COX7B2: variants seen among roughly 807,000 people sequenced by gnomAD.
COX7B2 encodes cytochrome c oxidase subunit 7B2.
For missense variants in COX7B2, 109 were observed against 95.9 expected, an observed-to-expected ratio of 1.14 and a Z score of -0.57; for synonymous variants, 37 against 32.1, an observed-to-expected ratio of 1.15 and a Z score of -0.51.
At chr4:46,803,728 CT>C (rs1273008115) in intron 2 of COX7B2, among the ~76,000 whole-genome samples, 81 of 124,858 alleles carry the variant, frequency 6.5e-4, no homozygotes, top group Non-Finnish European at 6.0e-4. Context: ...GCCTGGTTTA[CT>C]TTCTTTTTTT....
At chr4:46,824,236 T>C (rs971236078) in intron 2 of COX7B2, among the ~76,000 whole-genome samples, 9 of 152,140 alleles carry the variant, frequency 5.9e-5, no homozygotes, top group Admixed American at 5.9e-4. Flanking sequence ...ATTCTACAGC[T>C]GTACAAAGAA....
At chr4:46,848,376 T>C (rs555180996) in intron 1 of COX7B2, among the ~76,000 whole-genome samples, 1 of 152,124 alleles carries the variant, frequency 6.6e-6, no homozygotes, top group South Asian at 2.1e-4. Flanking sequence ...GCATTTATTA[T>C]GCGAAAGGCC....
At chr4:46,830,918 G>A (rs548935463) in intron 2 of COX7B2, among the ~76,000 whole-genome samples, 60 of 152,334 alleles carry the variant, frequency 3.9e-4, no homozygotes, top group South Asian at 3.9e-3. Context: ...GCGCCTCCTA[G>A]GCGTCGGCGC....
intron 2 of COX7B2, among the ~76,000 whole-genome samples, chr4:46,797,735 A>G (rs749790622): frequency 3.3e-5 from 5 of 152,226 alleles, no homozygotes; most frequent in African/African-American, 7.2e-5. Context: ...ATGGATCTTG[A>G]AGAATGACTG....
At chr4:46,743,079 A>G (rs1022209805) in intron 2 of COX7B2, among the ~76,000 whole-genome samples, 1 of 152,152 alleles carries the variant, frequency 6.6e-6, no homozygotes, top group Non-Finnish European at 1.5e-5. Context: ...ACAGTGGCAT[A>G]CAGGTTGAAG....
At chr4:46,762,242 AT>A (rs1716203385) in intron 2 of COX7B2, among the ~76,000 whole-genome samples, 2 of 142,456 alleles carry the variant, frequency 1.4e-5, no homozygotes, top group South Asian at 4.2e-4. Flanking sequence ...TATTAAATAT[AT>A]TATATATTTA....
At chr4:46,751,066 C>T (rs574149409) in intron 2 of COX7B2, among the ~76,000 whole-genome samples, 10 of 152,290 alleles carry the variant, frequency 6.6e-5, no homozygotes, top group Non-Finnish European at 1.3e-4. Context: ...ACACAAATCT[C>T]CTATTCACTT....
At chr4:46,880,292 AAG>A (rs1718624534) in intron 1 of COX7B2, among the ~76,000 whole-genome samples, 1 of 152,146 alleles carries the variant, frequency 6.6e-6, no homozygotes, top group Non-Finnish European at 1.5e-5. Flanking sequence ...ACCTCATAGA[AAG>A]AGCTGAGGAA....
chr4:46,760,739 C>A (rs1206301100), intron 2 of COX7B2, among the ~76,000 whole-genome samples: 3 of 152,054 alleles, frequency 2.0e-5, no homozygotes, highest in Admixed American at 1.3e-4. Context: ...AAAGCAAAAC[C>A]AAATAAAATT....
chr4:46,870,734 C>G (rs777844616), intron 1 of COX7B2, among the ~76,000 whole-genome samples: 4 of 152,020 alleles, frequency 2.6e-5, no homozygotes, highest in Non-Finnish European at 4.4e-5. Flanking sequence ...CAATACCACT[C>G]ACAACTGCCA....
intron 2 of COX7B2, among the ~76,000 whole-genome samples, chr4:46,747,314 T>C (rs1715081770): frequency 6.6e-6 from 1 of 151,972 alleles, no homozygotes; most frequent in African/African-American, 2.4e-5. Flanking sequence ...TTTATTTTAT[T>C]ATTTTCTGAG....
intron 2 of COX7B2, among the ~76,000 whole-genome samples, chr4:46,831,751 G>A (rs1002065370): frequency 2.0e-5 from 3 of 152,100 alleles, no homozygotes; most frequent in African/African-American, 4.8e-5. Context: ...CTATCTCAAG[G>A]TTTGTAAATG....
intron 2 of COX7B2, among the ~76,000 whole-genome samples, chr4:46,769,535 T>A (rs1716749487): frequency 6.6e-6 from 1 of 151,978 alleles, no homozygotes; most frequent in African/African-American, 2.4e-5. Context: ...GCCAATATGG[T>A]GAAACCCCGT....
rs548031579 is a variant in COX7B2 at position 46,820,988 on chromosome 4, A to T, written c.-50+23972T>A. Among the ~76,000 whole-genome samples the T allele has an allele frequency of 2.0e-5, 3 of 152,166 alleles. No homozygotes were observed. The South Asian group carries it at 6.2e-4, about 32-fold the overall frequency. Reference sequence around the variant, plus strand: ...GAATTACTACAGTCGAAACCTGAGAATCTGAATTTTAACAATTTTTTTAAA... The same window carrying T: ...GAATTACTACAGTCGAAACCTGAGATTCTGAATTTTAACAATTTTTTTAAA... On this transcript the variant is annotated intron_variant, in intron 2 of 2. Transcript: ENST00000355591.
intron 1 of COX7B2, among the ~76,000 whole-genome samples, chr4:46,893,721 C>T (rs1343101535): frequency 6.6e-6 from 1 of 152,158 alleles, no homozygotes; most frequent in Non-Finnish European, 1.5e-5. Flanking sequence ...TCCAGTCTAA[C>T]AAAAAGCACC....
intron 1 of COX7B2, among the ~76,000 whole-genome samples, chr4:46,865,760 A>G (rs1717626619): frequency 6.6e-6 from 1 of 152,186 alleles, no homozygotes; most frequent in Admixed American, 6.5e-5. Flanking sequence ...TATAGCATCA[A>G]GGAATCATCT....
chr4:46,787,453 A>C (rs1156877512), intron 2 of COX7B2, among the ~76,000 whole-genome samples: 1 of 151,878 alleles, frequency 6.6e-6, no homozygotes, highest in Non-Finnish European at 1.5e-5. Flanking sequence ...GTCTCAAATA[A>C]AAAAAAATAA....
intron 2 of COX7B2, among the ~76,000 whole-genome samples, chr4:46,839,574 C>G (rs1428091218): frequency 1.3e-5 from 2 of 151,958 alleles, no homozygotes; most frequent in African/African-American, 2.4e-5. Context: ...TCCAGGCTGC[C>G]AGAAATTCCA....
chr4:46,888,064 A>C (rs542818151), intron 1 of COX7B2, among the ~76,000 whole-genome samples: 23 of 152,226 alleles, frequency 1.5e-4, no homozygotes, highest in Non-Finnish European at 3.1e-4. Context: ...AACATTTCAC[A>C]GTGATGATCA....
Sources: gnomAD v4.1 joint callset for allele counts (sites outside exome capture counted in the v4.1 genomes callset) on GRCh38, gnomAD v4.1.1 for gene constraint, MANE v1.5 for transcripts, NCBI Gene and HGNC (gene_info 2026-07-23, HGNC 2026-07-21) for gene names.